The following VMP1 variants were observed in gnomAD, a reference collection of about 807,000 sequenced individuals.
VMP1 encodes vacuole membrane protein 1, also known as ectopic P-granules autophagy protein 3 homolog.
Under a neutral mutation model 56.0 loss-of-function variants are expected in VMP1, and 11 were observed. That is an observed-to-expected ratio of 0.20 (90% CI 0.12 to 0.32). The LOEUF (loss-of-function observed/expected upper bound fraction) is 0.32. VMP1 is among the 10% of genes least tolerant of loss of function. The probability of loss-of-function intolerance (pLI) is 1.00; values close to 1 mark genes in which losing one functional copy is unlikely to be tolerated. For synonymous variants in VMP1, 149 were observed against 165.0 expected (o/e 0.90, Z 0.74); for missense variants, 296 against 490.3 (o/e 0.60, Z 3.74).
chr17:59,731,325 A>C, intron 1 of VMP1, 96 bp from the exon 2 acceptor site: 1 of 686,076 alleles, frequency 1.5e-6, no homozygotes, highest in Non-Finnish European at 2.3e-6. Flanking sequence ...CATGTGGCTT[A>C]TTACTGTGAT....
chr17:59,771,265 C>G (rs1166505534), intron 6 of VMP1, among the ~76,000 whole-genome samples: 1 of 151,596 alleles, frequency 6.6e-6, no homozygotes, highest in Non-Finnish European at 1.5e-5. Flanking sequence ...CTTGACCTCC[C>G]AGGCTTAAAC....
intron 1 of VMP1, among the ~76,000 whole-genome samples, chr17:59,718,317 C>T (rs1157400706): frequency 6.6e-6 from 1 of 151,534 alleles, no homozygotes; most frequent in African/African-American, 2.4e-5. Flanking sequence ...CTGCCTCAGC[C>T]TCCCAAGTAG....
intron 5 of VMP1, among the ~76,000 whole-genome samples, chr17:59,740,297 G>A (rs978156692): frequency 2.0e-5 from 3 of 152,072 alleles, no homozygotes; most frequent in African/African-American, 7.2e-5. Flanking sequence ...TGCCTTGCTT[G>A]TTCTTGCTGT....
chr17:59,834,917 G>C (rs886264851), intron 10 of VMP1, among the ~76,000 whole-genome samples: 1 of 150,352 alleles, frequency 6.7e-6, no homozygotes, highest in Non-Finnish European at 1.5e-5. Flanking sequence ...AACCACCGAG[G>C]CTGGTCTAAT....
chr17:59,709,379 A>G (rs1342028931), intron 1 of VMP1, among the ~76,000 whole-genome samples: 1 of 152,212 alleles, frequency 6.6e-6, no homozygotes, highest in African/African-American at 2.4e-5. Context: ...TTTAAATCAG[A>G]AGACCTGGAT....
At chr17:59,808,195 ACCCTTTCTGGGCTG>A (rs1048911121) in intron 7 of VMP1, among the ~76,000 whole-genome samples, 9 of 152,152 alleles carry the variant, frequency 5.9e-5, no homozygotes, top group Admixed American at 5.9e-4. Flanking sequence ...TTGATCACTT[ACCCTTTCTGGGCTG>A]CAGTTTTGTG....
At chr17:59,829,044 A>G (rs2038731271) in intron 10 of VMP1, among the ~76,000 whole-genome samples, 1 of 152,172 alleles carries the variant, frequency 6.6e-6, no homozygotes, top group African/African-American at 2.4e-5. Context: ...TGAAGCCGGG[A>G]GGTGAAGGTT....
chr17:59,765,158 A>G lies in VMP1; in HGVS notation c.582+20A>G, dbSNP rs140900463. The G allele has an allele frequency of 4.3e-6, 7 of 1,610,724 alleles. No homozygotes were observed. The highest frequency in any genetic ancestry group is 5.1e-6 in the Non-Finnish European group (6 of 1,178,676). ...ATGTGGGTAAGATATGCATTTTCAT[A>G]TTTGTTTAAAACTAACCTCACCATC... is the stretch of plus-strand genomic sequence containing the variant. On this transcript the variant is annotated intron_variant, in intron 6 of 11. Transcript: ENST00000262291.
At chr17:59,748,038 T>C (rs1302777015) in intron 5 of VMP1, among the ~76,000 whole-genome samples, 1 of 151,568 alleles carries the variant, frequency 6.6e-6, no homozygotes, top group African/African-American at 2.4e-5. Context: ...CTACTAAAAA[T>C]ACAAAAAATT....
chr17:59,745,202 T>A (rs2035379178), intron 5 of VMP1, among the ~76,000 whole-genome samples: 1 of 152,200 alleles, frequency 6.6e-6, no homozygotes, highest in East Asian at 1.9e-4. Context: ...ATCTTTGTGT[T>A]GTTTGTTATT....
At chr17:59,828,024 TA>T (rs768590295) in intron 10 of VMP1, among the ~76,000 whole-genome samples, 985 of 125,514 alleles carry the variant, frequency 7.8e-3, no homozygotes, top group African/African-American at 9.9e-3. Context: ...ACAACCTCTT[TA>T]AAAAAAAAAA....
chr17:59,773,219 C>T (rs2036500355), intron 6 of VMP1, among the ~76,000 whole-genome samples: 2 of 151,920 alleles, frequency 1.3e-5, no homozygotes. Context: ...CTCGCCCTCC[C>T]AAAGTGCTGG....
chr17:59,806,046 T>C (rs1248776590), intron 7 of VMP1, among the ~76,000 whole-genome samples: 2 of 152,172 alleles, frequency 1.3e-5, no homozygotes, highest in Non-Finnish European at 2.9e-5. Context: ...ATAACTAGTT[T>C]TTAATTTAAT....
intron 11 of VMP1, 192 bp from the exon 12 acceptor site, chr17:59,839,576 A>C (rs2039091960): frequency 4.7e-6 from 3 of 643,852 alleles, no homozygotes; most frequent in Non-Finnish European, 7.6e-6. Context: ...ACATCCAACA[A>C]AGTGAAATCT....
At chr17:59,761,619 T>G (rs928753246) in intron 5 of VMP1, among the ~76,000 whole-genome samples, 2 of 152,190 alleles carry the variant, frequency 1.3e-5, no homozygotes, top group African/African-American at 4.8e-5. Context: ...ATGCTGAGTC[T>G]CTCTACTCTA....
At chr17:59,742,522 C>CATAATAAT (rs2035262983) in intron 5 of VMP1, among the ~76,000 whole-genome samples, 1 of 142,948 alleles carries the variant, frequency 7.0e-6, no homozygotes, top group Non-Finnish European at 1.5e-5. Context: ...GTCTCAAAAA[C>CATAATAAT]AATAATAATA....
intron 1 of VMP1, among the ~76,000 whole-genome samples, chr17:59,727,284 G>A (rs771978901): frequency 1.6e-4 from 24 of 151,876 alleles, no homozygotes; most frequent in Non-Finnish European, 3.2e-4. Flanking sequence ...ATAGGCGCCC[G>A]CCACCATGCC....
At chr17:59,832,006 C>CAGATTA (rs1401609769) in intron 10 of VMP1, among the ~76,000 whole-genome samples, 2 of 151,876 alleles carry the variant, frequency 1.3e-5, no homozygotes, top group Non-Finnish European at 2.9e-5. Context: ...GCTCAGCCTC[C>CAGATTA]AGATTAGCTG....
intron 7 of VMP1, among the ~76,000 whole-genome samples, chr17:59,785,662 C>T (rs568902996): frequency 6.7e-6 from 1 of 148,788 alleles, no homozygotes; most frequent in African/African-American, 2.5e-5. Flanking sequence ...TGCACTCCAG[C>T]CTAGGTGACA....
Sources: allele counts gnomAD v4.1 joint callset (sites outside exome capture counted in the v4.1 genomes callset), GRCh38; gene constraint gnomAD v4.1.1; transcripts MANE v1.5; gene names NCBI Gene and HGNC (gene_info 2026-07-23, HGNC 2026-07-21).